The following ASCC3 variants were observed in gnomAD, a reference collection of about 807,000 sequenced individuals.
ASCC3 encodes the protein activating signal cointegrator 1 complex subunit 3.
Under a neutral mutation model 256.3 loss-of-function variants are expected in ASCC3, and 158 were observed. The observed-to-expected ratio is 0.62, with a 90% CI of 0.54 to 0.70. The LOEUF is 0.70. Among genes scored for constraint, ASCC3 ranks in the 30% least tolerant of loss-of-function variants. The pLI is 0.00. For missense variants in ASCC3, 2,259 were observed against 2,626.0 expected (o/e 0.86, Z 3.05); for synonymous variants, 948 against 883.4 (o/e 1.07, Z -1.30).
In ASCC3 at chr6:100,646,841, G is replaced by A. The variant is rs990284544; in HGVS notation, c.3479-72C>T. 8 of 1,447,254 alleles carry A rather than the reference G, an allele frequency of 5.5e-6. No individual in the cohort carries two copies. In the African/African-American group the frequency reaches 9.8e-5, roughly 18 times the overall value. 89.7% of individuals were successfully genotyped at this position (1,447,254 alleles called of 1,614,324 possible). ...AGCAATATAATCTGACTTGTAAATG[G>A]GATTTCAGAGAAGGTGATTTTATTG... On this transcript the variant is annotated intron_variant, in intron 21 of 41. Coordinates refer to ENST00000369162, the MANE Select transcript of ASCC3 (RefSeq NM_006828.4).
At chr6:100,671,373 G>T (rs1372012081) in intron 14 of ASCC3, among the ~76,000 whole-genome samples, 2 of 152,046 alleles carry the variant, frequency 1.3e-5, no homozygotes, top group Admixed American at 6.6e-5. Flanking sequence ...TAACTACAGA[G>T]ATATACTTTA....
At chr6:100,622,433 C>T (rs925557308) in intron 30 of ASCC3, among the ~76,000 whole-genome samples, 8 of 152,068 alleles carry the variant, frequency 5.3e-5, no homozygotes, top group Non-Finnish European at 8.8e-5. Flanking sequence ...CTTGCTTCCC[C>T]TTCCCCTTCC....
intron 3 of ASCC3, among the ~76,000 whole-genome samples, chr6:100,862,307 G>A (rs530258701): frequency 2.6e-5 from 4 of 152,156 alleles, no homozygotes; most frequent in African/African-American, 9.6e-5. Flanking sequence ...CTTGAACTTC[G>A]GAAGATCTAA....
At chr6:100,795,433 C>T (rs1038841105) in intron 8 of ASCC3, among the ~76,000 whole-genome samples, 3 of 151,950 alleles carry the variant, frequency 2.0e-5, no homozygotes, top group African/African-American at 4.8e-5. Context: ...AGAAAAAAAT[C>T]TGATGATAAC....
intron 36 of ASCC3, among the ~76,000 whole-genome samples, chr6:100,575,746 A>T (rs945856942): frequency 6.6e-6 from 1 of 152,072 alleles, no homozygotes; most frequent in African/African-American, 2.4e-5. Flanking sequence ...TTGAGACATA[A>T]GACATTTGGG....
chr6:100,615,039 GGA>G (rs1773596667), intron 30 of ASCC3, among the ~76,000 whole-genome samples: 1 of 150,810 alleles, frequency 6.6e-6, no homozygotes, highest in Non-Finnish European at 1.5e-5. Flanking sequence ...TTTTTGAGAT[GGA>G]GTCTCGCTCT....
intron 13 of ASCC3, among the ~76,000 whole-genome samples, chr6:100,713,681 A>T (rs1445380775): frequency 6.6e-6 from 1 of 152,138 alleles, no homozygotes; most frequent in Non-Finnish European, 1.5e-5. Context: ...CTTTCCATTC[A>T]ATTTTACTGT....
chr6:100,787,681 T>C (rs1374226020), intron 8 of ASCC3, among the ~76,000 whole-genome samples: 1 of 152,156 alleles, frequency 6.6e-6, no homozygotes, highest in Non-Finnish European at 1.5e-5. Context: ...TATGATCAAC[T>C]GATTTTTAAC....
intron 8 of ASCC3, among the ~76,000 whole-genome samples, chr6:100,782,598 T>A (rs1440640496): frequency 2.6e-5 from 4 of 152,166 alleles, no homozygotes; most frequent in Admixed American, 6.5e-5. Flanking sequence ...TGTGTATGCA[T>A]AAGATTATTT....
At chr6:100,691,993 C>T (rs903835717) in intron 13 of ASCC3, among the ~76,000 whole-genome samples, 2 of 151,962 alleles carry the variant, frequency 1.3e-5, no homozygotes, top group East Asian at 1.9e-4. Context: ...TAGGAAGACA[C>T]CTGGCACATG....
At chr6:100,775,518 T>C (rs919456894) in intron 8 of ASCC3, among the ~76,000 whole-genome samples, 1 of 152,160 alleles carries the variant, frequency 6.6e-6, no homozygotes, top group Middle Eastern at 3.4e-3. Context: ...ACCACTAAAT[T>C]TACTGTTTAA....
chr6:100,628,062 G>GCT, intron 27 of ASCC3, 75 bp from the exon 28 acceptor site: 3 of 1,402,722 alleles, frequency 2.1e-6, no homozygotes, highest in Non-Finnish European at 3.0e-6. Flanking sequence ...ACAAAAGGAA[G>GCT]AGTTTGTAGC....
At chr6:100,693,960 A>G (rs980001747) in intron 13 of ASCC3, among the ~76,000 whole-genome samples, 2 of 151,990 alleles carry the variant, frequency 1.3e-5, no homozygotes, top group African/African-American at 4.8e-5. Context: ...ACTTCTCCCT[A>G]CTCCTAACCT....
intron 3 of ASCC3, among the ~76,000 whole-genome samples, chr6:100,862,581 T>A (rs1468842864): frequency 6.6e-6 from 1 of 152,168 alleles, no homozygotes; most frequent in African/African-American, 2.4e-5. Flanking sequence ...CCAAATTCTC[T>A]CTCTACCAAG....
At chr6:100,870,376 A>T (rs1180441794) in intron 1 of ASCC3, among the ~76,000 whole-genome samples, 1 of 152,048 alleles carries the variant, frequency 6.6e-6, no homozygotes, top group Admixed American at 6.6e-5. Flanking sequence ...AAAAAAAAAA[A>T]AATTAGGTTT....
At chr6:100,843,874 GTA>G (rs1482673296) in intron 4 of ASCC3, among the ~76,000 whole-genome samples, 4 of 151,622 alleles carry the variant, frequency 2.6e-5, no homozygotes, top group Admixed American at 2.0e-4. Flanking sequence ...GACATATAAG[GTA>G]TACACCTAAA....
chr6:100,544,295 A>G (rs997133732), intron 36 of ASCC3, among the ~76,000 whole-genome samples: 2 of 152,070 alleles, frequency 1.3e-5, no homozygotes, highest in African/African-American at 2.4e-5. Flanking sequence ...CCAAATAAGC[A>G]AAAGAAAGGA....
chr6:100,769,916 A>G (rs1781839686), intron 8 of ASCC3, among the ~76,000 whole-genome samples: 1 of 151,994 alleles, frequency 6.6e-6, no homozygotes, highest in Non-Finnish European at 1.5e-5. Context: ...ACTTAACCCA[A>G]TATCTAGTAA....
chr6:100,539,882 C>T (rs80240553), intron 37 of ASCC3, among the ~76,000 whole-genome samples: 191 of 152,194 alleles, frequency 1.3e-3, no homozygotes, highest in African/African-American at 4.5e-3. Flanking sequence ...ACAGAAGGGA[C>T]TCTTCTGTCT....
Sources: allele counts gnomAD v4.1 joint callset (sites outside exome capture counted in the v4.1 genomes callset), GRCh38; gene constraint gnomAD v4.1.1; transcripts MANE v1.5; gene names NCBI Gene and HGNC (gene_info 2026-07-23, HGNC 2026-07-21).